The following RORB variants were observed in gnomAD, a reference collection of about 807,000 sequenced individuals.
RORB encodes the protein RAR related orphan receptor B, also known as nuclear receptor ROR-beta.
Under a neutral mutation model 59.1 loss-of-function variants are expected in RORB, and 6 were observed. The ratio of observed to expected loss-of-function variants is 0.10; its 90% CI spans 0.06 to 0.20. The LOEUF (loss-of-function observed/expected upper bound fraction) is 0.20. RORB is among the 10% of genes least tolerant of loss of function. RORB has a pLI of 1.00. For synonymous variants in RORB, 215 were observed against 204.5 expected, an observed-to-expected ratio of 1.05 and a Z score of -0.44; for missense variants, 320 against 560.5, an observed-to-expected ratio of 0.57 and a Z score of 4.33.
intron 1 of RORB, 171 bp from the exon 2 acceptor site, chr9:74,630,111 G>A: frequency 2.6e-6 from 1 of 382,598 alleles, no homozygotes; most frequent in South Asian, 1.1e-4. Flanking sequence ...TGACTTAGAA[G>A]AAGCTTAGGA....
At position 74,689,523 on chromosome 9, in the gene RORB, C is replaced by T. The variant is rs1824703687; in HGVS notation, c.*3905C>T. On this transcript the variant is annotated 3_prime_UTR_variant, in exon 10 of 10. Transcript: ENST00000376896. ...GTGTTCAGGGCTCTGGACTAAAGTA[C>T]CTCTGAGTAGGTAAAATCAGAGAAT... 1 of 152,180 alleles carries T rather than the reference C, an allele frequency of 6.6e-6. No individual in the cohort carries two copies. The highest frequency in any genetic ancestry group is 1.9e-4 in the East Asian group (1 of 5,194). The allele number at this position is 152,180 out of a possible 1,614,324, so 9.4% of individuals were successfully genotyped here.
intron 1 of RORB, among the ~76,000 whole-genome samples, chr9:74,579,943 A>T (rs1822696585): frequency 6.6e-6 from 1 of 152,208 alleles, no homozygotes; most frequent in African/African-American, 2.4e-5. Context: ...TGAAAATATT[A>T]AGATATTTTG....
chr9:74,578,042 G>A (rs970758241), intron 1 of RORB, among the ~76,000 whole-genome samples: 1 of 152,014 alleles, frequency 6.6e-6, no homozygotes, highest in Non-Finnish European at 1.5e-5. Flanking sequence ...TACAGATCAG[G>A]AAACTGAGGA....
intron 1 of RORB, among the ~76,000 whole-genome samples, chr9:74,535,874 G>A (rs1826315337): frequency 6.6e-6 from 1 of 151,934 alleles, no homozygotes; most frequent in Non-Finnish European, 1.5e-5. Flanking sequence ...AAGTACAAAT[G>A]ACTGGAAAAT....
chr9:74,552,813 A>T (rs1587356439), intron 1 of RORB, among the ~76,000 whole-genome samples: 1 of 151,772 alleles, frequency 6.6e-6, no homozygotes, highest in East Asian at 1.9e-4. Context: ...TAAAGACACA[A>T]AATAATAATA....
intron 1 of RORB, among the ~76,000 whole-genome samples, chr9:74,534,324 A>T (rs1031942017): frequency 6.6e-6 from 1 of 151,886 alleles, no homozygotes; most frequent in Non-Finnish European, 1.5e-5. Context: ...CTTTGATCTT[A>T]TTTCCCTTCC....
chr9:74,663,790 T>C (rs1587413369), intron 6 of RORB, among the ~76,000 whole-genome samples: 1 of 152,114 alleles, frequency 6.6e-6, no homozygotes, highest in Non-Finnish European at 1.5e-5. Context: ...CCTCTCCATG[T>C]GAGACCCTCC....
chr9:74,542,744 T>C (rs1230728685), intron 1 of RORB, among the ~76,000 whole-genome samples: 1 of 152,200 alleles, frequency 6.6e-6, no homozygotes, highest in Non-Finnish European at 1.5e-5. Flanking sequence ...GTATTAATTA[T>C]CTAAGAATTC....
intron 8 of RORB, among the ~76,000 whole-genome samples, chr9:74,670,760 T>C (rs574142407): frequency 2.1e-4 from 32 of 152,298 alleles, no homozygotes; most frequent in African/African-American, 7.2e-4. Context: ...TGTATTAGGC[T>C]TCAAACAGCT....
Position 74,666,145 on chromosome 9 carries a change from C to T in RORB, c.1000+550C>T, listed in dbSNP as rs148987114. On this transcript the variant is annotated intron_variant, in intron 7 of 9. Transcript: ENST00000376896. ...CTTGCAAAAATACAAAAATTAGCCACGCATGGTGGCTGACGCCTGTAATCC... is the reference window on the plus strand; with the variant it reads ...CTTGCAAAAATACAAAAATTAGCCATGCATGGTGGCTGACGCCTGTAATCC... 4.5e-3 allele frequency among the ~76,000 whole-genome samples: 685 copies of T among 152,094 alleles called. 4 individuals are homozygous for T. Among genetic ancestry groups the T allele is most frequent in the African/African-American group, 0.015 (613 of 41,504 alleles).
chr9:74,665,700 G>T, intron 7 of RORB, 105 bp downstream of exon 7: 1 of 739,366 alleles, frequency 1.4e-6, no homozygotes, highest in African/African-American at 1.7e-5. Context: ...ATGTGAACCA[G>T]TATCTCATTA....
At chr9:74,542,223 C>A (rs146538090) in intron 1 of RORB, among the ~76,000 whole-genome samples, 1 of 152,238 alleles carries the variant, frequency 6.6e-6, no homozygotes, top group Non-Finnish European at 1.5e-5. Context: ...TTCCTTAAGA[C>A]TTCAGATACT....
chr9:74,586,110 A>G (rs7026809), intron 1 of RORB, among the ~76,000 whole-genome samples: 63,100 of 151,928 alleles, frequency 0.42, 14,399 homozygotes, highest in East Asian at 0.77. Context: ...GACATATTTA[A>G]AGAGCATAAG....
chr9:74,622,742 G>T (rs1294025655), intron 1 of RORB, among the ~76,000 whole-genome samples: 1 of 151,754 alleles, frequency 6.6e-6, no homozygotes, highest in Admixed American at 6.6e-5. Context: ...GGCCAGGATG[G>T]TCTCGATCTC....
chr9:74,640,537 C>T (rs1270558825), intron 3 of RORB, among the ~76,000 whole-genome samples: 2 of 152,050 alleles, frequency 1.3e-5, no homozygotes, highest in East Asian at 3.9e-4. Context: ...CCCGCCTTGG[C>T]CTCCCAAAGT....
At chr9:74,668,599 C>T (rs1383318866) in intron 8 of RORB, among the ~76,000 whole-genome samples, 1 of 152,108 alleles carries the variant, frequency 6.6e-6, no homozygotes, top group East Asian at 1.9e-4. Flanking sequence ...GTATTGTATA[C>T]TGTATTCTTA....
chr9:74,590,043 T>C (rs1268187020), intron 1 of RORB, among the ~76,000 whole-genome samples: 1 of 152,254 alleles, frequency 6.6e-6, no homozygotes. Flanking sequence ...TTTTCTCATC[T>C]GTAACATGTG....
At chr9:74,519,435 C>T (rs1826053374) in intron 1 of RORB, among the ~76,000 whole-genome samples, 2 of 152,088 alleles carry the variant, frequency 1.3e-5, no homozygotes, top group African/African-American at 4.8e-5. Context: ...GAGATCCTTG[C>T]TTAGTGGTGC....
At chr9:74,590,715 G>A (rs747788811) in intron 1 of RORB, among the ~76,000 whole-genome samples, 9 of 152,172 alleles carry the variant, frequency 5.9e-5, no homozygotes, top group Admixed American at 1.3e-4. Flanking sequence ...GACATACATC[G>A]TTGCCCTTTA....
Sources: allele counts gnomAD v4.1 joint callset (sites outside exome capture counted in the v4.1 genomes callset), GRCh38; gene constraint gnomAD v4.1.1; transcripts MANE v1.5; gene names NCBI Gene and HGNC (gene_info 2026-07-23, HGNC 2026-07-21).